Variants in MGST1 observed in about 807,000 individuals in gnomAD.
The protein encoded by MGST1 is microsomal glutathione S-transferase 1.
MGST1 carries 5 observed loss-of-function variants against 8.9 expected under a neutral mutation model. The observed-to-expected ratio is 0.56, with a 90% CI of 0.29 to 1.19. The LOEUF is 1.19. Ranked by LOEUF, MGST1 falls within the 50% of genes most tolerant of loss-of-function variation. The probability of loss-of-function intolerance (pLI) is 0.08; values close to 1 mark genes in which losing one functional copy is unlikely to be tolerated. For missense variants in MGST1, 182 were observed against 187.4 expected (o/e 0.97, Z 0.17); for synonymous variants, 54 against 67.8 (o/e 0.80, Z 1.00).
intron 4 of MGST1, among the ~76,000 whole-genome samples, chr12:16,480,257 C>T (rs551030316): frequency 9.2e-5 from 14 of 151,778 alleles, no homozygotes; most frequent in African/African-American, 3.4e-4. Context: ...ATTCTCCTGC[C>T]TCAACCTCCT....
chr12:16,571,637 C>T (rs950442675), intron 4 of MGST1, among the ~76,000 whole-genome samples: 3 of 151,950 alleles, frequency 2.0e-5, no homozygotes, highest in African/African-American at 7.2e-5. Context: ...TAGTAATAGC[C>T]AAAGAGCAAT....
At chr12:16,365,743 GCACACA>G (rs769759439), downstream of MGST1, among the ~76,000 whole-genome samples, 2 of 100,374 alleles carry the variant, frequency 2.0e-5, no homozygotes, top group Non-Finnish European at 3.9e-5. Flanking sequence ...GCGTGCACGC[GCACACA>G]CACACACACA....
At chr12:16,406,611 A>G (rs1282920692) in intron 1 of MGST1, among the ~76,000 whole-genome samples, 2 of 152,226 alleles carry the variant, frequency 1.3e-5, no homozygotes, top group East Asian at 3.8e-4. Flanking sequence ...TGCCAAGGCA[A>G]TCCTAAGCAA....
intron 1 of MGST1, among the ~76,000 whole-genome samples, chr12:16,397,459 C>A (rs1940614694): frequency 6.6e-6 from 1 of 152,072 alleles, no homozygotes; most frequent in Non-Finnish European, 1.5e-5. Flanking sequence ...TTCTGCACAG[C>A]TAAAGGAACA....
intron 4 of MGST1, among the ~76,000 whole-genome samples, chr12:16,569,062 C>T (rs1375479482): frequency 1.3e-5 from 2 of 152,158 alleles, no homozygotes; most frequent in Non-Finnish European, 2.9e-5. Context: ...CAGGCTTACT[C>T]AGTGTTAATT....
chr12:16,560,571 A>T lies in MGST1; in HGVS notation n.483-28957A>T, dbSNP rs775470192. 1.3e-6 allele frequency: 2 copies of T among 1,586,106 alleles called. No homozygotes were observed. The highest frequency in any genetic ancestry group is 1.7e-5 in the Admixed American group (1 of 57,518). ...AAGAAACATTTTTTTTTTTTTACAA[A>T]CTCTTACAGAGAAATCTGAGATCGT... is the stretch of plus-strand genomic sequence containing the variant. On this transcript the variant is annotated intron_variant and non_coding_transcript_variant, in intron 4 of 4. Coordinates refer to the MGST1 transcript ENST00000538857. This position sits in a 1 kb window ranked among gnomAD's most constrained non-coding sequence, Gnocchi z 5.0.
At chr12:16,390,144 G>A (rs1197150307) in intron 1 of MGST1, among the ~76,000 whole-genome samples, 2 of 151,992 alleles carry the variant, frequency 1.3e-5, no homozygotes, top group African/African-American at 4.8e-5. Context: ...AGAGGCAGGG[G>A]CATATACAGG....
intron 4 of MGST1, among the ~76,000 whole-genome samples, chr12:16,504,530 A>G (rs1470819291): frequency 1.3e-5 from 2 of 152,106 alleles, no homozygotes; most frequent in Non-Finnish European, 2.9e-5. Flanking sequence ...CCTTTCTGAT[A>G]CAAGTCTCCC....
chr12:16,492,406 G>A (rs895841684), intron 4 of MGST1, among the ~76,000 whole-genome samples: 1 of 152,182 alleles, frequency 6.6e-6, no homozygotes, highest in Non-Finnish European at 1.5e-5. Flanking sequence ...ATACATTAGC[G>A]CGGTTTGTGT....
At chr12:16,541,819 A>G (rs1386185290) in intron 4 of MGST1, among the ~76,000 whole-genome samples, 12 of 152,176 alleles carry the variant, frequency 7.9e-5, no homozygotes, top group Admixed American at 7.9e-4. Flanking sequence ...ATCAGAATAC[A>G]ATGTGTCAAT....
At chr12:16,504,632 A>T (rs1401777882) in intron 4 of MGST1, among the ~76,000 whole-genome samples, 1 of 152,150 alleles carries the variant, frequency 6.6e-6, no homozygotes, top group Admixed American at 6.5e-5. Context: ...TGGAGTGGGG[A>T]GAAGTAAAAA....
intron 4 of MGST1, among the ~76,000 whole-genome samples, chr12:16,512,318 C>A (rs962674149): frequency 6.6e-6 from 1 of 152,072 alleles, no homozygotes; most frequent in Non-Finnish European, 1.5e-5. Flanking sequence ...AGGATAATCT[C>A]ATCTCTGGAG....
chr12:16,520,462 C>A lies in MGST1; in HGVS notation n.483-69066C>A, dbSNP rs569162218. On this transcript the variant is annotated intron_variant and non_coding_transcript_variant, in intron 4 of 4. Coordinates refer to the MGST1 transcript ENST00000538857. ...TTTAGGGGAGACTCAGGGCAATTTT[C>A]AAGAAGAGCAGATGTCTGGACTGAG... Among the ~76,000 whole-genome samples the A allele has an allele frequency of 4.7e-4, 72 of 151,848 alleles. 1 individual carries two copies. In the East Asian group the frequency reaches 0.013, roughly 27 times the overall value.
chr12:16,484,685 G>A lies in MGST1; in HGVS notation n.482+101081G>A, dbSNP rs148824986. On this transcript the variant is annotated intron_variant and non_coding_transcript_variant, in intron 4 of 4. Coordinates refer to the MGST1 transcript ENST00000538857. ...ACACATTTTTAAACAACCGGATCTC[G>A]TGAGAACTTAGTGTCATGAGAAGTG... Among the ~76,000 whole-genome samples the A allele has an allele frequency of 1.2e-3, 176 of 152,166 alleles. 1 individual carries two copies. The East Asian group carries it at 0.021, about 18-fold the overall frequency.
At chr12:16,356,671 G>T (rs1351084545) in intron 2 of MGST1, among the ~76,000 whole-genome samples, 1 of 152,186 alleles carries the variant, frequency 6.6e-6, no homozygotes, top group Non-Finnish European at 1.5e-5. Context: ...CTATTTCAAA[G>T]AGCATAATAA....
intron 4 of MGST1, among the ~76,000 whole-genome samples, chr12:16,486,695 T>C (rs544213648): frequency 2.1e-4 from 32 of 152,354 alleles, no homozygotes; most frequent in Non-Finnish European, 4.1e-4. Context: ...CTGTGAAAAC[T>C]GGCCAGAGCC....
chr12:16,545,611 C>T (rs1298426433), intron 4 of MGST1, among the ~76,000 whole-genome samples: 1 of 152,034 alleles, frequency 6.6e-6, no homozygotes, highest in Non-Finnish European at 1.5e-5. Flanking sequence ...CTGAAACTCG[C>T]AACTTTTTAC....
At position 16,389,955 on chromosome 12, in the gene MGST1, G is replaced by C. The variant is rs532383948; in HGVS notation, n.778+6351G>C. Reference sequence around the variant, plus strand: ...ATGCTCTTGTGAAAAGGGAGTTGAAGTGCAATACAGACTGCAGCTCCATCC... The same window carrying C: ...ATGCTCTTGTGAAAAGGGAGTTGAACTGCAATACAGACTGCAGCTCCATCC... On this transcript the variant is annotated intron_variant and non_coding_transcript_variant, in intron 1 of 1. Coordinates refer to the MGST1 transcript ENST00000359720. This position sits in a 1 kb window ranked among gnomAD's most constrained non-coding sequence, Gnocchi z 4.6. Among the ~76,000 whole-genome samples the C allele has an allele frequency of 6.6e-6, 1 of 152,324 alleles. No individual in the cohort carries two copies. The highest frequency in any genetic ancestry group is 2.1e-4 in the South Asian group (1 of 4,834).
intron 4 of MGST1, among the ~76,000 whole-genome samples, chr12:16,481,707 G>T (rs1318821936): frequency 6.6e-6 from 1 of 151,700 alleles, no homozygotes; most frequent in Non-Finnish European, 1.5e-5. Context: ...AGCACAAAGA[G>T]AAAAAGGGAT....
Sources: allele counts gnomAD v4.1 joint callset (sites outside exome capture counted in the v4.1 genomes callset), GRCh38; gene constraint gnomAD v4.1.1; non-coding constraint Gnocchi (gnomAD v3.1); transcripts MANE v1.5; gene names NCBI Gene and HGNC (gene_info 2026-07-23, HGNC 2026-07-21).